CCDC30: variants seen among roughly 807,000 people sequenced by gnomAD.
The protein encoded by CCDC30 is coiled-coil domain containing 30.
In CCDC30, 70 loss-of-function variants were observed where a neutral mutation model predicts 100.2. The observed-to-expected ratio is 0.70, with a 90% CI of 0.58 to 0.85. The LOEUF (loss-of-function observed/expected upper bound fraction) is 0.85. Among genes scored for constraint, CCDC30 ranks in the 40% least tolerant of loss-of-function variants. CCDC30 has a pLI of 0.00. For synonymous variants in CCDC30, 233 were observed against 269.5 expected, an observed-to-expected ratio of 0.86 and a Z score of 1.33; for missense variants, 652 against 771.2, an observed-to-expected ratio of 0.85 and a Z score of 1.83.
intron 10 of CCDC30, among the ~76,000 whole-genome samples, chr1:42,608,651 G>A (rs995876949): frequency 1.4e-5 from 2 of 147,234 alleles, no homozygotes; most frequent in Non-Finnish European, 3.0e-5. Context: ...CTTGCCGTGA[G>A]CCGAGATCGC....
chr1:42,467,747 A>G (rs781041342), intron 1 of CCDC30: 1 of 152,208 alleles, frequency 6.6e-6, no homozygotes, highest in Non-Finnish European at 1.5e-5. Context: ...CTTCCAACCC[A>G]TTCCATGTAC....
intron 6 of CCDC30, among the ~76,000 whole-genome samples, chr1:42,555,813 A>T (rs944775753): frequency 3.1e-4 from 47 of 152,156 alleles, no homozygotes; most frequent in Admixed American, 2.2e-3. Context: ...CAGCCTCCTG[A>T]TGAGTAGCTG....
chr1:42,545,883 G>A (rs1350633929), intron 6 of CCDC30, among the ~76,000 whole-genome samples: 2 of 151,924 alleles, frequency 1.3e-5, no homozygotes, highest in East Asian at 1.9e-4. Context: ...GGTGGAGGTT[G>A]TAGTGCGCCA....
intron 11 of CCDC30, among the ~76,000 whole-genome samples, chr1:42,627,463 A>G (rs1646954183): frequency 6.6e-6 from 1 of 152,244 alleles, no homozygotes. Flanking sequence ...AGAAATTTGC[A>G]TAAGTAGCAA....
intron 2 of CCDC30, among the ~76,000 whole-genome samples, chr1:42,482,001 G>A (rs1284504302): frequency 1.3e-5 from 2 of 152,056 alleles, no homozygotes; most frequent in African/African-American, 2.4e-5. Flanking sequence ...GGTGGATCAC[G>A]AGGTCAGGAG....
At chr1:42,548,092 A>G (rs1050611407) in intron 6 of CCDC30, among the ~76,000 whole-genome samples, 5 of 152,214 alleles carry the variant, frequency 3.3e-5, no homozygotes, top group East Asian at 1.9e-4. Context: ...AGTGACCTCT[A>G]TGCTGCTATA....
In CCDC30 at chr1:42,549,218, T is replaced by C. The variant is rs16829661; in HGVS notation, c.457-17078T>C. On this transcript the variant is annotated intron_variant, in intron 6 of 16. Coordinates refer to ENST00000668663, the Ensembl canonical transcript of CCDC30. ...AAGCTCCACTTTTATGTTTCATATA[T>C]TGGGTTTTGTGTAAGATTTTTAATT... Among the ~76,000 whole-genome samples, 603 of 152,276 alleles carry C rather than the reference T, an allele frequency of 4.0e-3. 3 individuals carry two copies. The highest frequency in any genetic ancestry group is 0.014 in the African/African-American group (575 of 41,558).
At chr1:42,460,242 A>G (rs533291250), upstream of CCDC30, 19 of 1,043,130 alleles carry the variant, frequency 1.8e-5, no homozygotes, top group East Asian at 6.1e-4. Context: ...TTATGGATGC[A>G]TGAATGGTCA....
At chr1:42,548,569 T>C (rs1226041334) in intron 6 of CCDC30, among the ~76,000 whole-genome samples, 1 of 152,156 alleles carries the variant, frequency 6.6e-6, no homozygotes, top group Non-Finnish European at 1.5e-5. Flanking sequence ...GGGACCAAGT[T>C]ATATAAAAAG....
exon 17 of CCDC30, chr1:42,654,092 AC>A: frequency 8.5e-7 from 1 of 1,178,260 alleles, no homozygotes; most frequent in Non-Finnish European, 1.2e-6. Context: ...CAAAAGGTGG[AC>A]CATGACATTG....
rs546651641 is a variant in CCDC30 at position 42,582,882 on chromosome 1, A to G, written c.1001+1368A>G. 3.0e-4 allele frequency among the ~76,000 whole-genome samples: 45 copies of G among 152,288 alleles called. No individual in the cohort carries two copies. In the South Asian group the frequency reaches 7.7e-3, roughly 26 times the overall value. On this transcript the variant is annotated intron_variant, in intron 9 of 16. Transcript: ENST00000668663. ...TTCCTCCCACTTGTGTAAAATTCCT[A>G]TTGAAAGCTTTGCTCCTGTCTGTAG...
intron 11 of CCDC30, among the ~76,000 whole-genome samples, chr1:42,629,435 C>T (rs1344842170): frequency 6.6e-6 from 1 of 152,106 alleles, no homozygotes; most frequent in African/African-American, 2.4e-5. Flanking sequence ...TTTCTTTTCT[C>T]TTGCTGCTTT....
intron 8 of CCDC30, chr1:42,580,995 C>A: frequency 2.7e-6 from 1 of 367,828 alleles, no homozygotes; most frequent in South Asian, 2.1e-5. Flanking sequence ...CTCACCACCA[C>A]GCCCGGCTAA....
Position 42,478,604 on chromosome 1 carries a change from C to G in CCDC30, c.-91-1857C>G, listed in dbSNP as rs1569735853. Among the ~76,000 whole-genome samples, 3 of 151,960 alleles carry G rather than the reference C, an allele frequency of 2.0e-5. No homozygotes were observed. In the East Asian group the frequency reaches 5.8e-4, roughly 29 times the overall value. ...CGAAACCCCATCTCTACAAAAAATA[C>G]AAAAATTAGCCAGGCATGGTGGCAT... On this transcript the variant is annotated intron_variant, in intron 1 of 16. Transcript: ENST00000668663.
intron 11 of CCDC30, among the ~76,000 whole-genome samples, chr1:42,624,118 A>G (rs865855859): frequency 6.6e-6 from 1 of 152,146 alleles, no homozygotes; most frequent in Non-Finnish European, 1.5e-5. Context: ...TATGAGTTCT[A>G]GTACTTCTTT....
the CCDC30 span, among the ~76,000 whole-genome samples, chr1:42,458,024 T>C: frequency 6.6e-6 from 1 of 151,624 alleles, no homozygotes; most frequent in Non-Finnish European, 1.5e-5. Context: ...GAAAGGTCAT[T>C]CCAGGTGGAG....
chr1:42,592,713 C>CA (rs1646210148), intron 10 of CCDC30: 1 of 151,876 alleles, frequency 6.6e-6, no homozygotes, highest in South Asian at 2.1e-4. Context: ...GACCCTGTCT[C>CA]AAAAAATAAA....
intron 6 of CCDC30, 94 bp downstream of exon 9, chr1:42,545,673 G>A (rs1557842014): frequency 3.5e-6 from 4 of 1,139,482 alleles, no homozygotes; most frequent in Middle Eastern, 2.2e-4. Flanking sequence ...TCGGCTGGGT[G>A]CAGTGGCTTA....
intron 4 of CCDC30, chr1:42,491,850 A>G: frequency 2.8e-6 from 1 of 362,082 alleles, no homozygotes. Flanking sequence ...AGCACTTGCT[A>G]TGTTCAATAT....
Sources: allele counts gnomAD v4.1 joint callset (sites outside exome capture counted in the v4.1 genomes callset), GRCh38; gene constraint gnomAD v4.1.1; transcripts MANE v1.5; gene names NCBI Gene and HGNC (gene_info 2026-07-23, HGNC 2026-07-21).